ATL1: variants seen among roughly 807,000 people sequenced by gnomAD.
ATL1 encodes the protein atlastin-1.
In ATL1, 31 loss-of-function variants were observed where a neutral mutation model predicts 75.5. The observed-to-expected ratio is 0.41, with a 90% CI of 0.31 to 0.55. The LOEUF (loss-of-function observed/expected upper bound fraction) is 0.55, where lower values mean the gene tolerates loss of function less well. Ranked by LOEUF, ATL1 falls within the 20% of genes least tolerant of loss-of-function variation. ATL1 has a pLI of 0.27. For missense variants in ATL1, 405 were observed against 662.6 expected (o/e 0.61, Z 4.27); for synonymous variants, 226 against 233.3 (o/e 0.97, Z 0.28).
intron 8 of ATL1, among the ~76,000 whole-genome samples, chr14:50,615,191 C>T (rs1012946100): frequency 2.0e-5 from 3 of 152,192 alleles, no homozygotes; most frequent in African/African-American, 7.2e-5. Flanking sequence ...TCCACCAGGT[C>T]TGTAGACATA....
chr14:50,583,780 C>T (rs2039077420), intron 1 of ATL1, among the ~76,000 whole-genome samples: 1 of 152,086 alleles, frequency 6.6e-6, no homozygotes, highest in Non-Finnish European at 1.5e-5. Flanking sequence ...TATACAGTAA[C>T]TTTTTATGAA....
At chr14:50,540,021 G>A (rs982639406) in intron 1 of ATL1, among the ~76,000 whole-genome samples, 1 of 152,038 alleles carries the variant, frequency 6.6e-6, no homozygotes, top group Non-Finnish European at 1.5e-5. Context: ...ATTGAATGAG[G>A]GAGAACAGAT....
At chr14:50,564,158 A>G (rs915194967) in intron 1 of ATL1, among the ~76,000 whole-genome samples, 2 of 152,238 alleles carry the variant, frequency 1.3e-5, no homozygotes, top group African/African-American at 4.8e-5. Flanking sequence ...GGGACAGATA[A>G]GTATCAGAAA....
chr14:50,535,563 T>C (rs2038481268), intron 1 of ATL1, among the ~76,000 whole-genome samples: 1 of 150,912 alleles, frequency 6.6e-6, no homozygotes, highest in Non-Finnish European at 1.5e-5. Context: ...TTTGGATTTT[T>C]AAATAATTAT....
chr14:50,606,135 G>A (rs2039315582), intron 6 of ATL1, among the ~76,000 whole-genome samples: 1 of 151,982 alleles, frequency 6.6e-6, no homozygotes, highest in Non-Finnish European at 1.5e-5. Flanking sequence ...CAAATGTAGA[G>A]ACTGCATTTT....
chr14:50,591,828 A>G, intron 4 of ATL1, 189 bp downstream of exon 4: 1 of 552,222 alleles, frequency 1.8e-6, no homozygotes, highest in East Asian at 3.0e-5. Flanking sequence ...TAGTTTAATT[A>G]CTGACAAACT....
At chr14:50,543,778 T>G (rs1439896611) in intron 1 of ATL1, among the ~76,000 whole-genome samples, 1 of 152,202 alleles carries the variant, frequency 6.6e-6, no homozygotes, top group Admixed American at 6.5e-5. Context: ...TCTTCTATTA[T>G]TCCTAATAAC....
At chr14:50,540,829 C>G (rs986241520) in intron 1 of ATL1, among the ~76,000 whole-genome samples, 1 of 152,114 alleles carries the variant, frequency 6.6e-6, no homozygotes, top group Non-Finnish European at 1.5e-5. Flanking sequence ...CTTACCCATG[C>G]CAAAGTAGAA....
chr14:50,570,863 T>A (rs773475857), intron 1 of ATL1, among the ~76,000 whole-genome samples: 2 of 152,226 alleles, frequency 1.3e-5, no homozygotes, highest in African/African-American at 2.4e-5. Flanking sequence ...CAGTTTGCTA[T>A]TTTTTCTTTT....
intron 1 of ATL1, among the ~76,000 whole-genome samples, chr14:50,544,659 G>A (rs920329601): frequency 4.6e-5 from 7 of 152,208 alleles, no homozygotes; most frequent in African/African-American, 7.2e-5. Flanking sequence ...GTGGCTGGGC[G>A]ATGGTGGCTC....
intron 1 of ATL1, among the ~76,000 whole-genome samples, chr14:50,555,042 G>T (rs1010844819): frequency 6.6e-6 from 1 of 152,174 alleles, no homozygotes; most frequent in African/African-American, 2.4e-5. Flanking sequence ...TTATCAATGA[G>T]GTGGGACATG....
chr14:50,614,749 A>G (rs1178038917), intron 8 of ATL1, among the ~76,000 whole-genome samples: 1 of 152,302 alleles, frequency 6.6e-6, no homozygotes, highest in Middle Eastern at 3.4e-3. Flanking sequence ...GAGTTCACCC[A>G]GAAGGCAGTA....
chr14:50,544,218 C>T (rs544316009), intron 1 of ATL1, among the ~76,000 whole-genome samples: 1 of 152,310 alleles, frequency 6.6e-6, no homozygotes, highest in East Asian at 1.9e-4. Flanking sequence ...TGGGTGACCC[C>T]ACCAGATGAG....
intron 1 of ATL1, among the ~76,000 whole-genome samples, chr14:50,573,807 T>G (rs1482415710): frequency 6.6e-6 from 1 of 152,222 alleles, no homozygotes; most frequent in Non-Finnish European, 1.5e-5. Flanking sequence ...ATTTTGCTCA[T>G]AGACCTTTGA....
chr14:50,557,659 G>A (rs1241818216), upstream of ATL1, among the ~76,000 whole-genome samples: 3 of 152,120 alleles, frequency 2.0e-5, no homozygotes, highest in Non-Finnish European at 4.4e-5. Context: ...AACCATGTAT[G>A]TTTATATTTT....
chr14:50,628,983 G>A (rs748714305), intron 12 of ATL1, among the ~76,000 whole-genome samples: 2 of 152,150 alleles, frequency 1.3e-5, no homozygotes, highest in Admixed American at 6.5e-5. Context: ...CTTCCAAAGC[G>A]TTGGGATTAT....
At chr14:50,623,068 T>G (rs1429081320) in intron 10 of ATL1, 109 bp from the exon 11 acceptor site, 1 of 853,420 alleles carries the variant, frequency 1.2e-6, no homozygotes, top group Non-Finnish European at 1.9e-6. Context: ...TTTGAGGACT[T>G]TGGTTTCTTG....
intron 1 of ATL1, among the ~76,000 whole-genome samples, chr14:50,574,318 T>C (rs558192772): frequency 6.6e-6 from 1 of 152,318 alleles, no homozygotes; most frequent in African/African-American, 2.4e-5. Context: ...TCCTTCACCC[T>C]GTCTTCCAAA....
chr14:50,577,879 C>T (rs562488130), intron 1 of ATL1, among the ~76,000 whole-genome samples: 3 of 152,078 alleles, frequency 2.0e-5, no homozygotes, highest in Non-Finnish European at 4.4e-5. Context: ...ATGGATATAC[C>T]ACATTTTATC....
Sources: allele counts gnomAD v4.1 joint callset (sites outside exome capture counted in the v4.1 genomes callset), GRCh38; gene constraint gnomAD v4.1.1; transcripts MANE v1.5; gene names NCBI Gene and HGNC (gene_info 2026-07-23, HGNC 2026-07-21).